TAFA2: variants seen among roughly 807,000 people sequenced by gnomAD.
The protein encoded by TAFA2 is chemokine-like protein TAFA-2.
Under a neutral mutation model 18.8 loss-of-function variants are expected in TAFA2, and 7 were observed. The ratio of observed to expected loss-of-function variants is 0.37; its 90% CI spans 0.21 to 0.70. The LOEUF is 0.70. Ranked by LOEUF, TAFA2 falls within the 30% of genes least tolerant of loss-of-function variation. The pLI, the probability that TAFA2 is intolerant of heterozygous loss-of-function variation, is 0.53. For synonymous variants in TAFA2, 60 were observed against 54.2 expected, an observed-to-expected ratio of 1.11 and a Z score of -0.47; for missense variants, 122 against 158.1, an observed-to-expected ratio of 0.77 and a Z score of 1.23.
intron 2 of TAFA2, among the ~76,000 whole-genome samples, chr12:61,841,525 C>T (rs924609029): frequency 6.6e-6 from 1 of 152,044 alleles, no homozygotes; most frequent in Admixed American, 6.6e-5. Flanking sequence ...ATGCCAATAC[C>T]ATGCTGTTTT....
At chr12:62,072,667 A>C (rs1449821400) in intron 1 of TAFA2, among the ~76,000 whole-genome samples, 1 of 152,032 alleles carries the variant, frequency 6.6e-6, no homozygotes, top group African/African-American at 2.4e-5. Flanking sequence ...CTGTAGTCCC[A>C]GCCAGCTACT....
intron 1 of TAFA2, among the ~76,000 whole-genome samples, chr12:62,064,021 ATAT>A (rs1396223942): frequency 6.6e-6 from 1 of 152,128 alleles, no homozygotes; most frequent in Non-Finnish European, 1.5e-5. Context: ...TAGGTGCTTA[ATAT>A]ATATTAATAC....
intron 1 of TAFA2, among the ~76,000 whole-genome samples, chr12:62,188,795 A>C (rs1314403513): frequency 6.6e-6 from 1 of 152,116 alleles, no homozygotes; most frequent in African/African-American, 2.4e-5. Context: ...CATTTTATAA[A>C]TTTTTAAATA....
intron 2 of TAFA2, among the ~76,000 whole-genome samples, chr12:61,800,136 A>T (rs1482942313): frequency 1.3e-5 from 2 of 152,224 alleles, no homozygotes; most frequent in Admixed American, 6.5e-5. Context: ...TAATAAAATT[A>T]GTGATCAAGA....
At chr12:62,019,074 T>A (rs1473006813) in intron 1 of TAFA2, among the ~76,000 whole-genome samples, 1 of 151,866 alleles carries the variant, frequency 6.6e-6, no homozygotes, top group Non-Finnish European at 1.5e-5. Flanking sequence ...ACATGAAAAA[T>A]TGCTCATCAT....
chr12:61,923,448 A>G (rs1280987806), intron 1 of TAFA2, among the ~76,000 whole-genome samples: 2 of 152,218 alleles, frequency 1.3e-5, no homozygotes, highest in Non-Finnish European at 2.9e-5. Flanking sequence ...CCAGGAAAAC[A>G]GTCTCTGGAG....
intron 1 of TAFA2, among the ~76,000 whole-genome samples, chr12:62,124,726 C>T (rs1463296923): frequency 6.6e-6 from 1 of 152,104 alleles, no homozygotes; most frequent in Admixed American, 6.6e-5. Context: ...ACAATAAATA[C>T]ATCTTAAATC....
At chr12:62,207,961 A>G (rs1565779564) in intron 1 of TAFA2, among the ~76,000 whole-genome samples, 1 of 152,174 alleles carries the variant, frequency 6.6e-6, no homozygotes, top group Non-Finnish European at 1.5e-5. Flanking sequence ...TTTAATATCT[A>G]GACATCCTCA....
intron 2 of TAFA2, among the ~76,000 whole-genome samples, chr12:61,804,508 G>A (rs1231035608): frequency 6.6e-6 from 1 of 151,960 alleles, no homozygotes; most frequent in African/African-American, 2.4e-5. Context: ...ATGTGCTAAT[G>A]CACCCAGGAA....
rs181128852 is a variant in TAFA2, at chr12:61,761,594, G to T, written c.107-6570C>A. On this transcript the variant is annotated intron_variant, in intron 2 of 4. Coordinates refer to ENST00000416284, the MANE Select transcript of TAFA2 (RefSeq NM_178539.5). ...CTAACATTGACTGAATATTTATTGT[G>T]TGATGAGCATTATTTCATTTTATCA... Among the ~76,000 whole-genome samples, 426 of 152,150 alleles carry T rather than the reference G, an allele frequency of 2.8e-3. 2 individuals carry two copies. Among genetic ancestry groups the T allele is most frequent in the Admixed American group, 4.1e-3 (63 of 15,252 alleles).
At chr12:61,852,948 G>A (rs995851100) in intron 2 of TAFA2, among the ~76,000 whole-genome samples, 3 of 152,130 alleles carry the variant, frequency 2.0e-5, no homozygotes, top group African/African-American at 4.8e-5. Context: ...ACCTTTAGCT[G>A]TAGGAAGAAT....
intron 2 of TAFA2, among the ~76,000 whole-genome samples, chr12:61,846,661 A>G (rs1873417805): frequency 6.6e-6 from 1 of 152,240 alleles, no homozygotes. Flanking sequence ...TACATAACTT[A>G]AACATTATTT....
chr12:62,029,049 GAAT>G (rs1485427330), intron 1 of TAFA2, among the ~76,000 whole-genome samples: 1 of 152,048 alleles, frequency 6.6e-6, no homozygotes, highest in African/African-American at 2.4e-5. Flanking sequence ...TTTTTTAACT[GAAT>G]AATATGTTAA....
At chr12:61,819,316 T>C (rs968493813) in intron 2 of TAFA2, among the ~76,000 whole-genome samples, 3 of 152,196 alleles carry the variant, frequency 2.0e-5, no homozygotes, top group Non-Finnish European at 4.4e-5. Flanking sequence ...CTTCAAAGAA[T>C]GTATTTTTAA....
At chr12:62,194,664 C>A (rs577909842), upstream of TAFA2, among the ~76,000 whole-genome samples, 1 of 152,142 alleles carries the variant, frequency 6.6e-6, no homozygotes, top group African/African-American at 2.4e-5. Flanking sequence ...ATCTCCTAGA[C>A]AAAATAAAAT....
At chr12:62,009,605 T>C (rs1426155450) in intron 1 of TAFA2, among the ~76,000 whole-genome samples, 5 of 152,174 alleles carry the variant, frequency 3.3e-5, no homozygotes, top group Non-Finnish European at 7.3e-5. Context: ...ATAAAAAATA[T>C]ATAATTATGT....
chr12:62,255,625 G>A (rs2062934547), intron 1 of TAFA2, among the ~76,000 whole-genome samples: 2 of 152,158 alleles, frequency 1.3e-5, no homozygotes, highest in Admixed American at 1.3e-4. Flanking sequence ...GGCTGAGGCA[G>A]GTGGATCACT....
At chr12:61,793,893 GT>G (rs1275945946) in intron 2 of TAFA2, among the ~76,000 whole-genome samples, 4 of 151,852 alleles carry the variant, frequency 2.6e-5, no homozygotes, top group African/African-American at 9.7e-5. Context: ...AAGTGACCAA[GT>G]TGGGGTTTAC....
intron 1 of TAFA2, chr12:62,252,866 A>AT (rs1565788963): frequency 1.3e-5 from 2 of 152,224 alleles, no homozygotes; most frequent in Non-Finnish European, 2.9e-5. Flanking sequence ...CAAACACTCC[A>AT]TAAGTATGGT....
Sources: gnomAD v4.1 joint callset for allele counts (sites outside exome capture counted in the v4.1 genomes callset) on GRCh38, gnomAD v4.1.1 for gene constraint, MANE v1.5 for transcripts, NCBI Gene and HGNC (gene_info 2026-07-23, HGNC 2026-07-21) for gene names.